Variants in DLGAP1 observed in about 807,000 individuals in gnomAD.
The protein encoded by DLGAP1 is DLG associated protein 1, also known as disks large-associated protein 1.
DLGAP1 carries 11 observed loss-of-function variants against 90.8 expected under a neutral mutation model. The ratio of observed to expected loss-of-function variants is 0.12; its 90% CI spans 0.08 to 0.20. The LOEUF (loss-of-function observed/expected upper bound fraction) is 0.20. Among genes scored for constraint, DLGAP1 ranks in the 10% least tolerant of loss-of-function variants. The probability of loss-of-function intolerance (pLI) is 1.00; values close to 1 mark genes in which losing one functional copy is unlikely to be tolerated. For synonymous variants in DLGAP1, 558 were observed against 540.7 expected (o/e 1.03, Z -0.44); for missense variants, 1,050 against 1,333.8 (o/e 0.79, Z 3.31).
At position 3,568,511 on chromosome 18, in the gene DLGAP1, T is replaced by C. The variant is rs1030754297; in HGVS notation, c.1966-930A>G. Among the ~76,000 whole-genome samples the C allele has an allele frequency of 2.0e-5, 3 of 152,054 alleles. No individual in the cohort carries two copies. The East Asian group carries it at 5.8e-4, about 29-fold the overall frequency. ...TTAGGTTTATTCCGTTTTCCTACTA[T>C]GTGTTTAAGAAATGTTGTCTCTAAA... On this transcript the variant is annotated intron_variant, in intron 8 of 12. Transcript: ENST00000315677.
intron 4 of DLGAP1, among the ~76,000 whole-genome samples, chr18:3,818,966 C>A (rs2067249059): frequency 6.6e-6 from 1 of 151,832 alleles, no homozygotes; most frequent in South Asian, 2.1e-4. Flanking sequence ...AGTGGAGTAT[C>A]TTTTGGTGCT....
chr18:3,811,250 C>G (rs1168470160), intron 5 of DLGAP1, among the ~76,000 whole-genome samples: 1 of 152,104 alleles, frequency 6.6e-6, no homozygotes, highest in Non-Finnish European at 1.5e-5. Context: ...AGAAATGATT[C>G]TAGGGGATGT....
At chr18:3,560,579 G>A (rs1271547107) in intron 9 of DLGAP1, among the ~76,000 whole-genome samples, 3 of 117,802 alleles carry the variant, frequency 2.5e-5, no homozygotes, top group Non-Finnish European at 4.8e-5. Flanking sequence ...GACAGAGCAA[G>A]ACTCAGTCTC....
chr18:4,090,516 G>T (rs1000197846), intron 2 of DLGAP1, among the ~76,000 whole-genome samples: 2 of 152,184 alleles, frequency 1.3e-5, no homozygotes, highest in African/African-American at 4.8e-5. Context: ...CTGTTCATTA[G>T]AGAAATGCAA....
chr18:3,840,237 A>G (rs976942311), intron 4 of DLGAP1, among the ~76,000 whole-genome samples: 2 of 152,198 alleles, frequency 1.3e-5, no homozygotes, highest in African/African-American at 4.8e-5. Flanking sequence ...GTTGCATCAA[A>G]TTACCATAAA....
intron 1 of DLGAP1, among the ~76,000 whole-genome samples, chr18:4,358,212 C>G (rs1442058848): frequency 6.6e-6 from 1 of 152,122 alleles, no homozygotes; most frequent in Non-Finnish European, 1.5e-5. Context: ...TGCAAACAAA[C>G]AGATAAACAA....
At chr18:4,265,673 C>CTTCT (rs2079113691) in intron 1 of DLGAP1, among the ~76,000 whole-genome samples, 1 of 91,218 alleles carries the variant, frequency 1.1e-5, no homozygotes, top group Non-Finnish European at 1.9e-5. Context: ...CCCTTCCTTC[C>CTTCT]TTCCTTCCTT....
At chr18:3,836,779 G>A (rs142665038) in intron 4 of DLGAP1, among the ~76,000 whole-genome samples, 92 of 152,344 alleles carry the variant, frequency 6.0e-4, no homozygotes, top group African/African-American at 2.1e-3. Flanking sequence ...TACCGGATGC[G>A]TTGTTTTATC....
At chr18:3,897,931 A>G (rs2071676587) in intron 3 of DLGAP1, among the ~76,000 whole-genome samples, 1 of 151,504 alleles carries the variant, frequency 6.6e-6, no homozygotes, top group Non-Finnish European at 1.5e-5. Flanking sequence ...AGTAGCTGGG[A>G]CTACAGGCGC....
intron 5 of DLGAP1, among the ~76,000 whole-genome samples, chr18:3,767,497 A>C (rs1429165647): frequency 6.6e-6 from 1 of 152,134 alleles, no homozygotes; most frequent in Non-Finnish European, 1.5e-5. Flanking sequence ...AAATGTTCTT[A>C]TCAAAACATT....
At chr18:3,508,321 T>C (rs2050359005) in intron 11 of DLGAP1, among the ~76,000 whole-genome samples, 1 of 152,174 alleles carries the variant, frequency 6.6e-6, no homozygotes, top group Admixed American at 6.5e-5. Context: ...AATTTTCAGT[T>C]ACAAAAGAAG....
intron 1 of DLGAP1, among the ~76,000 whole-genome samples, chr18:4,340,325 AG>A (rs1044140852): frequency 1.3e-5 from 2 of 152,184 alleles, no homozygotes; most frequent in African/African-American, 4.8e-5. Context: ...TTCACATCCC[AG>A]AAGGACAAAG....
Position 4,455,188 on chromosome 18 carries a change from G to C in DLGAP1, c.-449C>G, listed in dbSNP as rs1243436295. The C allele has an allele frequency of 1.3e-5, 2 of 151,360 alleles. No homozygotes were observed. Among genetic ancestry groups the C allele is most frequent in the Admixed American group, 6.6e-5 (1 of 15,204 alleles). 9.4% of individuals were successfully genotyped at this position (151,360 alleles called of 1,614,324 possible). On this transcript the variant is annotated 5_prime_UTR_variant, in exon 1 of 13. Coordinates refer to ENST00000315677, the MANE Select transcript of DLGAP1 (RefSeq NM_004746.4). ...GCGCCGCCTATGCTGCCGATTCCCCGAGGCGGAAGGTGTCCGCGAGGCCGT... is the reference window on the plus strand; with the variant it reads ...GCGCCGCCTATGCTGCCGATTCCCCCAGGCGGAAGGTGTCCGCGAGGCCGT...
intron 1 of DLGAP1, among the ~76,000 whole-genome samples, chr18:4,303,834 T>C (rs1408318621): frequency 1.3e-5 from 2 of 152,232 alleles, no homozygotes; most frequent in Non-Finnish European, 2.9e-5. Context: ...GAAATGCAAA[T>C]GGCCTTAGAA....
intron 3 of DLGAP1, among the ~76,000 whole-genome samples, chr18:3,890,782 G>A (rs2071439218): frequency 6.6e-6 from 1 of 152,176 alleles, no homozygotes; most frequent in Non-Finnish European, 1.5e-5. Context: ...AAGGTGGAGT[G>A]CATTGGCATA....
At chr18:3,702,108 AT>A (rs2061299567) in intron 7 of DLGAP1, among the ~76,000 whole-genome samples, 1 of 152,122 alleles carries the variant, frequency 6.6e-6, no homozygotes, top group Non-Finnish European at 1.5e-5. Context: ...CTGGAGGGCA[AT>A]GGCACAATCT....
chr18:4,431,271 A>G (rs962042125), intron 1 of DLGAP1: 1 of 152,276 alleles, frequency 6.6e-6, no homozygotes, highest in Admixed American at 6.5e-5. Flanking sequence ...GTCATTTAAT[A>G]CACAAAGTCT....
intron 1 of DLGAP1, among the ~76,000 whole-genome samples, chr18:4,202,609 GA>G: frequency 1.3e-5 from 2 of 151,708 alleles, no homozygotes; most frequent in South Asian, 4.1e-4. Flanking sequence ...ACATTTAAAA[GA>G]AAAAAATCAA....
At chr18:4,397,671 G>A (rs1055553078) in intron 1 of DLGAP1, among the ~76,000 whole-genome samples, 1 of 152,052 alleles carries the variant, frequency 6.6e-6, no homozygotes, top group South Asian at 2.1e-4. Flanking sequence ...CCTGAATCTG[G>A]AATTATTTGA....
Sources: allele counts gnomAD v4.1 joint callset (sites outside exome capture counted in the v4.1 genomes callset), GRCh38; gene constraint gnomAD v4.1.1; transcripts MANE v1.5; gene names NCBI Gene and HGNC (gene_info 2026-07-23, HGNC 2026-07-21).